SNX13: variants seen among roughly 807,000 people sequenced by gnomAD.
SNX13 encodes the protein sorting nexin 13, also known as sorting nexin-13.
SNX13 carries 45 observed loss-of-function variants against 133.6 expected under a neutral mutation model. That is an observed-to-expected ratio of 0.34 (90% CI 0.27 to 0.43). The LOEUF (loss-of-function observed/expected upper bound fraction) is 0.43. Among genes scored for constraint, SNX13 ranks in the 20% least tolerant of loss-of-function variants. The probability of loss-of-function intolerance (pLI) is 1.00; values close to 1 mark genes in which losing one functional copy is unlikely to be tolerated. For missense variants in SNX13, 1,032 were observed against 1,145.1 expected (o/e 0.90, Z 1.43); for synonymous variants, 414 against 373.9 (o/e 1.11, Z -1.24).
chr7:17,938,045 A>G (rs1342226847), intron 1 of SNX13, among the ~76,000 whole-genome samples: 1 of 152,250 alleles, frequency 6.6e-6, no homozygotes, highest in Non-Finnish European at 1.5e-5. Flanking sequence ...AGCAGAAGCA[A>G]TAAAAAGGAA....
intron 20 of SNX13, among the ~76,000 whole-genome samples, chr7:17,814,490 T>C (rs1786427074): frequency 2.0e-5 from 3 of 152,146 alleles, no homozygotes; most frequent in Admixed American, 2.0e-4. Context: ...TCCTGCTTAA[T>C]ATTTTTATCA....
chr7:17,915,403 G>C (rs2691575), intron 1 of SNX13, among the ~76,000 whole-genome samples: 61,419 of 151,838 alleles, frequency 0.4, 12,828 homozygotes, highest in South Asian at 0.6. Flanking sequence ...CACAAGAAAT[G>C]TGGATAAACC....
At chr7:17,855,315 G>C (rs1439074411) in intron 9 of SNX13, among the ~76,000 whole-genome samples, 3 of 152,178 alleles carry the variant, frequency 2.0e-5, no homozygotes, top group African/African-American at 7.2e-5. Context: ...TATACGGCAA[G>C]TCATCCAGAT....
At chr7:17,799,213 C>T (rs1784372749) in intron 22 of SNX13, 59 bp from the exon 23 acceptor site, 1 of 1,368,818 alleles carries the variant, frequency 7.3e-7, no homozygotes, top group Non-Finnish European at 9.7e-7. Context: ...TGAATTGTTA[C>T]TTTTGTTGCT....
At chr7:17,899,873 T>C (rs1797628292) in intron 1 of SNX13, 1 of 152,214 alleles carries the variant, frequency 6.6e-6, no homozygotes, top group Non-Finnish European at 1.5e-5. Context: ...GGATGTTCAC[T>C]GATGTCTGGA....
At chr7:17,803,756 G>A (rs559812004) in intron 20 of SNX13, among the ~76,000 whole-genome samples, 176 bp from the exon 21 acceptor site, 4 of 151,894 alleles carry the variant, frequency 2.6e-5, no homozygotes, top group African/African-American at 7.2e-5. Context: ...TCTTAAAAAC[G>A]TATTTTCAGC....
At chr7:17,844,447 T>G (rs972796912) in intron 12 of SNX13, among the ~76,000 whole-genome samples, 3 of 151,992 alleles carry the variant, frequency 2.0e-5, no homozygotes, top group African/African-American at 7.2e-5. Context: ...TGGACCTGAA[T>G]AGCTTTACTG....
intron 22 of SNX13, among the ~76,000 whole-genome samples, chr7:17,800,170 G>A (rs146404406): frequency 2.6e-5 from 4 of 151,642 alleles, no homozygotes; most frequent in Admixed American, 6.6e-5. Flanking sequence ...TAGCTAAACT[G>A]TAAAAACCAC....
In SNX13 at chr7:17,872,451, G is replaced by C. The variant is rs985780947; in HGVS notation, c.753+1077C>G. Among the ~76,000 whole-genome samples the C allele has an allele frequency of 2.0e-5, 3 of 152,110 alleles. 1 individual carries two copies. Among genetic ancestry groups the C allele is most frequent in the African/African-American group, 7.2e-5 (3 of 41,428 alleles). On this transcript the variant is annotated intron_variant, in intron 8 of 25. Coordinates refer to ENST00000428135, the MANE Select transcript of SNX13 (RefSeq NM_015132.5). ...CATGAACAAATGCTATACCTGACTA[G>C]TACTATCTTCCTTAAGTGGCAGATA... is the stretch of plus-strand genomic sequence containing the variant.
At chr7:17,856,621 T>C (rs535305070) in intron 9 of SNX13, among the ~76,000 whole-genome samples, 8 of 150,920 alleles carry the variant, frequency 5.3e-5, no homozygotes, top group African/African-American at 1.9e-4. Flanking sequence ...TAAGACCCTG[T>C]CTCTACAAAA....
chr7:17,807,001 C>G (rs1583308512), intron 20 of SNX13, among the ~76,000 whole-genome samples: 1 of 152,298 alleles, frequency 6.6e-6, no homozygotes, highest in East Asian at 1.9e-4. Context: ...CCACCACGGG[C>G]CTGGGTTTCA....
chr7:17,873,118 A>G (rs1794303784), intron 8 of SNX13, among the ~76,000 whole-genome samples: 1 of 152,228 alleles, frequency 6.6e-6, no homozygotes, highest in Admixed American at 6.5e-5. Context: ...GCACCTAACT[A>G]TCAGCCAGAG....
chr7:17,899,717 T>C (rs1234507184), intron 1 of SNX13: 1 of 152,144 alleles, frequency 6.6e-6, no homozygotes, highest in East Asian at 1.9e-4. Context: ...CTGTATTATC[T>C]TGAATTTTGT....
chr7:17,826,835 C>G (rs1787965616), intron 16 of SNX13, among the ~76,000 whole-genome samples: 1 of 152,006 alleles, frequency 6.6e-6, no homozygotes, highest in Non-Finnish European at 1.5e-5. Context: ...TAAAAAGGAA[C>G]ATAACCATGT....
intron 2 of SNX13, among the ~76,000 whole-genome samples, chr7:17,896,341 C>G (rs1481434476): frequency 6.6e-6 from 1 of 152,106 alleles, no homozygotes; most frequent in Non-Finnish European, 1.5e-5. Flanking sequence ...CATAGCTGCT[C>G]AATTAAAGAA....
At chr7:17,881,177 G>A (rs774438361) in intron 5 of SNX13, 5 of 151,802 alleles carry the variant, frequency 3.3e-5, no homozygotes, top group Admixed American at 6.6e-5. Flanking sequence ...AAAACAGTAA[G>A]AATGGTAGAG....
At chr7:17,872,902 A>C (rs1159168744) in intron 8 of SNX13, among the ~76,000 whole-genome samples, 1 of 152,178 alleles carries the variant, frequency 6.6e-6, no homozygotes, top group East Asian at 1.9e-4. Context: ...ACAGAACTTT[A>C]CTCTGAAGGT....
intron 5 of SNX13, chr7:17,889,713 A>G (rs1796423541): frequency 6.6e-6 from 1 of 152,192 alleles, no homozygotes; most frequent in Non-Finnish European, 1.5e-5. Flanking sequence ...CCATCAAAAA[A>G]AATCAAGCAG....
At chr7:17,820,867 C>T (rs1464445066) in intron 18 of SNX13, among the ~76,000 whole-genome samples, 10 of 151,898 alleles carry the variant, frequency 6.6e-5, no homozygotes, top group Non-Finnish European at 1.5e-4. Context: ...TCCAATTCAT[C>T]AAAGATCTTT....
Sources: allele counts gnomAD v4.1 joint callset (sites outside exome capture counted in the v4.1 genomes callset), GRCh38; gene constraint gnomAD v4.1.1; transcripts MANE v1.5; gene names NCBI Gene and HGNC (gene_info 2026-07-23, HGNC 2026-07-21).